The following CLVS1 variants were observed in gnomAD, a reference collection of about 807,000 sequenced individuals.
CLVS1 encodes clavesin-1.
In CLVS1, 10 loss-of-function variants were observed where a neutral mutation model predicts 33.1. The observed-to-expected ratio is 0.30, with a 90% CI of 0.19 to 0.51. The LOEUF (loss-of-function observed/expected upper bound fraction) is 0.51. Among genes scored for constraint, CLVS1 ranks in the 20% least tolerant of loss-of-function variants. The pLI is 0.97. For missense variants in CLVS1, 343 were observed against 433.4 expected, an observed-to-expected ratio of 0.79 and a Z score of 1.85; for synonymous variants, 163 against 166.1, an observed-to-expected ratio of 0.98 and a Z score of 0.14.
At position 61,352,792 on chromosome 8, in the gene CLVS1, C is replaced by T. The variant is rs144028457; in HGVS notation, c.456-23813C>T. Reference sequence around the variant, plus strand: ...TGAACAAAAAAGCAATAAAAAATAACAATACAACAATAAAAAATAATACAA... The same window carrying T: ...TGAACAAAAAAGCAATAAAAAATAATAATACAACAATAAAAAATAATACAA... On this transcript the variant is annotated intron_variant, in intron 2 of 5. Transcript: ENST00000325897. Among the ~76,000 whole-genome samples, 615 of 151,926 alleles carry T rather than the reference C, an allele frequency of 4.0e-3. 3 individuals carry two copies. The highest frequency in any genetic ancestry group is 0.014 in the African/African-American group (581 of 41,482).
chr8:61,131,660 T>C (rs184951935), intron 1 of CLVS1: 2 of 150,886 alleles, frequency 1.3e-5, no homozygotes, highest in Non-Finnish European at 2.9e-5. Flanking sequence ...AACTTCCTTT[T>C]CTAGGGGCCA....
chr8:61,232,851 C>T (rs1182065472), intron 2 of CLVS1, among the ~76,000 whole-genome samples: 1 of 152,202 alleles, frequency 6.6e-6, no homozygotes, highest in African/African-American at 2.4e-5. Context: ...TTTATCTCAA[C>T]ATTTTGCATT....
intron 2 of CLVS1, chr8:61,203,129 A>C: frequency 1.7e-6 from 2 of 1,208,688 alleles, no homozygotes; most frequent in South Asian, 2.4e-5. Context: ...TTCTCTTCCC[A>C]AAGTGGAAGC....
intron 2 of CLVS1, among the ~76,000 whole-genome samples, chr8:61,325,131 G>C (rs1262354592): frequency 6.6e-6 from 1 of 151,946 alleles, no homozygotes; most frequent in Non-Finnish European, 1.5e-5. Context: ...AATTTGTTCT[G>C]TCCTCTGGGC....
chr8:60,980,560 C>T, the CLVS1 span, among the ~76,000 whole-genome samples: 1 of 152,278 alleles, frequency 6.6e-6, no homozygotes, highest in South Asian at 2.1e-4. Flanking sequence ...CCAAGGCTGG[C>T]GGATCACCTG....
At chr8:61,295,801 T>G (rs1420003338) in intron 1 of CLVS1, among the ~76,000 whole-genome samples, 2 of 152,114 alleles carry the variant, frequency 1.3e-5, no homozygotes, top group African/African-American at 2.4e-5. Context: ...GTTTCCTCAT[T>G]TGAAAAATGA....
intron 1 of CLVS1, among the ~76,000 whole-genome samples, chr8:61,294,374 G>A (rs1193474954): frequency 2.6e-5 from 4 of 152,074 alleles, no homozygotes; most frequent in Admixed American, 2.6e-4. Flanking sequence ...AAAGACCTTG[G>A]CATCTAATAA....
chr8:61,090,855 A>T (rs778241135), intron 1 of CLVS1: 1 of 518,442 alleles, frequency 1.9e-6, no homozygotes, highest in South Asian at 1.4e-5. Flanking sequence ...GGGACTTTTG[A>T]GCTGATGAGA....
upstream of CLVS1, among the ~76,000 whole-genome samples, chr8:61,053,196 T>A (rs1804415428): frequency 6.6e-6 from 1 of 152,184 alleles, no homozygotes. Context: ...GAGTCTGCAG[T>A]GCATGACAGG....
chr8:61,038,047 G>C, the CLVS1 span, among the ~76,000 whole-genome samples: 1 of 152,124 alleles, frequency 6.6e-6, no homozygotes, highest in African/African-American at 2.4e-5. Flanking sequence ...GAGAGTTCTG[G>C]GTAACACACC....
At chr8:61,079,051 C>T (rs1014165005) in intron 1 of CLVS1, among the ~76,000 whole-genome samples, 9 of 152,076 alleles carry the variant, frequency 5.9e-5, no homozygotes, top group South Asian at 2.1e-4. Context: ...AACATCAAAA[C>T]GTCTTTCTCT....
rs114452382 is a variant in CLVS1, at chr8:61,174,466, A to G, written c.-152+42606A>G. 5.0e-3 allele frequency among the ~76,000 whole-genome samples: 762 copies of G among 151,928 alleles called. 2 individuals are homozygous for G. The highest frequency in any genetic ancestry group is 0.017 in the African/African-American group (725 of 41,440). On this transcript the variant is annotated intron_variant, in intron 2 of 2. Coordinates refer to the CLVS1 transcript ENST00000522621. ...AAACAAACAAACAAACAAACAAACA[A>G]ACAAAAACCATATATTTTAAAGACC...
At chr8:61,347,626 TTATATATATATATATA>T (rs56179025) in intron 2 of CLVS1, among the ~76,000 whole-genome samples, 1,103 of 36,986 alleles carry the variant, frequency 0.03, 34 homozygotes, top group South Asian at 0.055. Flanking sequence ...GGCCATTCCA[TTATATATATATATATA>T]TATATATATA....
At chr8:61,449,657 T>G (rs1816883340) in intron 3 of CLVS1, among the ~76,000 whole-genome samples, 1 of 152,196 alleles carries the variant, frequency 6.6e-6, no homozygotes, top group African/African-American at 2.4e-5. Context: ...CAGCCTTTTT[T>G]TTAGTTGCTT....
chr8:61,289,158 G>T (rs1254473231), intron 1 of CLVS1, among the ~76,000 whole-genome samples: 1 of 152,172 alleles, frequency 6.6e-6, no homozygotes, highest in Non-Finnish European at 1.5e-5. Flanking sequence ...GCTCAGATTT[G>T]GAAGGCGAGA....
chr8:61,074,383 T>C (rs1401642543), intron 1 of CLVS1, among the ~76,000 whole-genome samples: 5 of 50,646 alleles, frequency 9.9e-5, no homozygotes, highest in African/African-American at 8.1e-4. Flanking sequence ...TATAAGTATA[T>C]GTGTATATAT....
chr8:61,493,156 T>TATC (rs1804152389), intron 5 of CLVS1, among the ~76,000 whole-genome samples: 1 of 152,246 alleles, frequency 6.6e-6, no homozygotes, highest in African/African-American at 2.4e-5. Context: ...GAAATTATTT[T>TATC]ATCAATTATT....
At chr8:61,124,002 G>A (rs767127830) in intron 1 of CLVS1, among the ~76,000 whole-genome samples, 8 of 152,022 alleles carry the variant, frequency 5.3e-5, no homozygotes, top group Non-Finnish European at 1.0e-4. Flanking sequence ...TTTTGTTCTT[G>A]CACAACAAAG....
At chr8:61,127,008 G>C (rs929558992) in intron 1 of CLVS1, among the ~76,000 whole-genome samples, 2 of 152,178 alleles carry the variant, frequency 1.3e-5, no homozygotes, top group Admixed American at 6.5e-5. Flanking sequence ...AGTGTGAGAT[G>C]GGGCTGCTCA....
Sources: gnomAD v4.1 joint callset for allele counts (sites outside exome capture counted in the v4.1 genomes callset) on GRCh38, gnomAD v4.1.1 for gene constraint, MANE v1.5 for transcripts, NCBI Gene and HGNC (gene_info 2026-07-23, HGNC 2026-07-21) for gene names.